Variants in RORC observed in about 807,000 individuals in gnomAD.
RORC encodes RAR related orphan receptor C, also known as nuclear receptor ROR-gamma.
A neutral mutation model predicts 64.5 loss-of-function variants in RORC; 13 were observed. The ratio of observed to expected loss-of-function variants is 0.20; its 90% CI spans 0.13 to 0.32. RORC has a LOEUF of 0.32. RORC is among the 10% of genes least tolerant of loss of function. The pLI is 1.00. For missense variants in RORC, 468 were observed against 669.5 expected (o/e 0.70, Z 3.32); for synonymous variants, 277 against 259.3 (o/e 1.07, Z -0.65).
rs1226235753 is a variant in RORC, at chr1:151,813,582, G to A, written c.972C>T (p.Leu324=). The change falls in exon 7 of 11, where the codon CTC becomes CTT. Residue 324 remains leucine (L), a synonymous_variant. Coordinates refer to ENST00000318247, the MANE Select transcript of RORC (RefSeq NM_005060.4). ...CCACCACGTACTGAATGGCCTCGGT[G>A]AGGTGGTGGGCACACCGTTCCCACA... ...WEMWERCAHH[L]TEAIQYVVEF... 1 of 1,614,178 alleles carries A rather than the reference G, an allele frequency of 6.2e-7. No individual in the cohort carries two copies.
At chr1:151,818,519 C>A (rs1651861097) in intron 2 of RORC, among the ~76,000 whole-genome samples, 1 of 152,156 alleles carries the variant, frequency 6.6e-6, no homozygotes, top group African/African-American at 2.4e-5. Flanking sequence ...TTCATGGGAC[C>A]ACAGGAGGCC....
chr1:151,826,212 CAGGGTGTGAGGGG>C (rs1652190560), intron 2 of RORC: 1 of 664,912 alleles, frequency 1.5e-6, no homozygotes, highest in Non-Finnish European at 2.1e-6. Flanking sequence ...GGGCCTGGGG[CAGGGTGTGAGGGG>C]AGGGGCAGCC....
intron 2 of RORC, among the ~76,000 whole-genome samples, chr1:151,827,767 G>C (rs1418011225): frequency 6.6e-6 from 1 of 152,186 alleles, no homozygotes; most frequent in East Asian, 1.9e-4. Context: ...TGTCAGCCTG[G>C]ATCCTCAGGA....
intron 2 of RORC, among the ~76,000 whole-genome samples, chr1:151,818,580 G>T (rs1651863160): frequency 6.6e-6 from 1 of 152,182 alleles, no homozygotes; most frequent in Admixed American, 6.5e-5. Context: ...GGGATCCCTG[G>T]TTACTGTAGG....
chr1:151,815,099 C>A lies in RORC; in HGVS notation c.625G>T (p.Gly209Cys), dbSNP rs775415126. 1 of 1,614,204 alleles carries A rather than the reference C, an allele frequency of 6.2e-7. No homozygotes were observed. The highest frequency in any genetic ancestry group is 1.7e-5 in the Admixed American group (1 of 60,028). Residue 209 changes from glycine (G) to cysteine (C), a missense_variant, in exon 5 of 11, where the codon GGC (glycine) becomes TGC (cysteine). Gly to Cys is a radical substitution (Grantham distance 159). Around this residue, in one of 5 missense-constraint regions of RORC, gnomAD observed 241 missense variants for 295.5 expected, o/e 0.82. Transcript: ENST00000318247. ...SCHLEYSPER[G>C]KAEGRESFYS... Reference sequence around the variant, plus strand: ...AAGCTCTCTCTGCCCTCAGCCTTGCCCCGCTCAGGGCTGTATTCAAGGTGG... The same window carrying A: ...AAGCTCTCTCTGCCCTCAGCCTTGCACCGCTCAGGGCTGTATTCAAGGTGG...
In RORC at chr1:151,807,415, G is replaced by T; in HGVS notation, c.*57C>A. 6.4e-7 allele frequency: 1 copy of T among 1,562,330 alleles called. No individual in the cohort carries two copies. Among genetic ancestry groups the T allele is most frequent in the Non-Finnish European group, 8.8e-7 (1 of 1,139,006 alleles). On this transcript the variant is annotated 3_prime_UTR_variant, in exon 11 of 11. Transcript: ENST00000318247. This position sits in a 1 kb window ranked among gnomAD's most constrained non-coding sequence, Gnocchi z 5.0. ...AAGGAAAAGGGTGAGGGTGGAACGG[G>T]GTCCAGGGAGGTGGGCCAGCAGGCC...
chr1:151,818,734 C>A (rs1477197609), intron 2 of RORC, among the ~76,000 whole-genome samples: 2 of 152,190 alleles, frequency 1.3e-5, no homozygotes, highest in Non-Finnish European at 2.9e-5. Flanking sequence ...TATGACGTGT[C>A]TCCCACCAAA....
intron 10 of RORC, among the ~76,000 whole-genome samples, chr1:151,809,606 G>A (rs1464101476): frequency 1.3e-5 from 2 of 152,106 alleles, no homozygotes; most frequent in Admixed American, 6.5e-5. Context: ...CCAGGGTGGT[G>A]GTAATAGTAG....
At chr1:151,825,973 C>A (rs1050291670) in intron 2 of RORC, 1 of 1,612,000 alleles carries the variant, frequency 6.2e-7, no homozygotes, top group Non-Finnish European at 8.5e-7. Context: ...GGCTCCCTGT[C>A]CTTCTCAGCA....
At chr1:151,816,628 C>A in intron 4 of RORC, 36 bp downstream of exon 4, 1 of 1,578,884 alleles carries the variant, frequency 6.3e-7, no homozygotes, top group Non-Finnish European at 8.6e-7. Context: ...CTGGAGACAC[C>A]AGGAAAACCC....
At chr1:151,829,594 C>T (rs1652330918) in intron 1 of RORC, 136 bp from the exon 2 acceptor site, 4 of 714,896 alleles carry the variant, frequency 5.6e-6, no homozygotes, top group Non-Finnish European at 8.8e-6. Flanking sequence ...CAGGCCACCC[C>T]CTGCAGTGCC....
At position 151,818,134 on chromosome 1, in the gene RORC, AG is replaced by A. The variant is rs1651842013; in HGVS notation, c.71-855del. ...CCAGATGAGGCAAAGCGGTTGGGCCAGGGTCATAGGCTAGTTTGCCTGAGAG... is the reference window on the plus strand; with the variant it reads ...CCAGATGAGGCAAAGCGGTTGGGCCAGGTCATAGGCTAGTTTGCCTGAGAG... On this transcript the variant is annotated intron_variant, in intron 2 of 10. Coordinates refer to ENST00000318247, the MANE Select transcript of RORC (RefSeq NM_005060.4). 2.0e-5 allele frequency among the ~76,000 whole-genome samples: 3 copies of A among 152,224 alleles called. No individual in the cohort carries two copies. In the South Asian group the frequency reaches 6.2e-4, roughly 32 times the overall value.
chr1:151,819,040 C>T (rs1159051775), intron 2 of RORC, among the ~76,000 whole-genome samples: 7 of 152,182 alleles, frequency 4.6e-5, no homozygotes, highest in African/African-American at 1.4e-4. Context: ...CCCAGCCACA[C>T]GTGCCTGCCC....
rs767984181 is a variant in RORC, at chr1:151,815,351, G to C, written c.373C>G (p.Arg125Gly). The C allele has an allele frequency of 6.3e-7, 1 of 1,581,968 alleles. No individual in the cohort carries two copies. Among genetic ancestry groups the C allele is most frequent in the African/African-American group, 1.4e-5 (1 of 73,504 alleles). ...ACTGGTTCCTGTTGCTGCTGTTGCC[G>C]CTGCTGCAGCTGTTTCTGCACTTCT... is the stretch of plus-strand genomic sequence containing the variant. ...HAEVQKQLQQ[R>G]QQQQQEPVVK... The change falls in exon 5 of 11, where the codon CGG becomes GGG. Residue 125 changes from arginine to glycine, a missense_variant. Transcript: ENST00000318247.
chr1:151,831,161 G>A, intron 1 of RORC: 2 of 1,243,494 alleles, frequency 1.6e-6, no homozygotes, highest in South Asian at 1.3e-5. Flanking sequence ...ACATCCCTGG[G>A]TGAGTGGCGA....
chr1:151,831,283 C>G (rs1652408759), intron 1 of RORC, among the ~76,000 whole-genome samples: 1 of 152,162 alleles, frequency 6.6e-6, no homozygotes. Flanking sequence ...GGTGAATGAA[C>G]AGAAGGTGGA....
At chr1:151,829,361 T>A in intron 2 of RORC, 68 bp downstream of exon 2, 1 of 1,432,264 alleles carries the variant, frequency 7.0e-7, no homozygotes, top group Non-Finnish European at 9.4e-7. Context: ...CCCCCACAGA[T>A]CACTTGCTGA....
chr1:151,830,637 C>CAA lies in RORC; in HGVS notation c.40+1087_40+1088insTT, dbSNP rs1476134745. On this transcript the variant is annotated intron_variant, in intron 1 of 10. Transcript: ENST00000318247. This position sits in a 1 kb window ranked among gnomAD's most constrained non-coding sequence, Gnocchi z 4.0. ...CACCTGACATACACACACACACACA[C>CAA]ACACACACACACACACACACACACA... Among the ~76,000 whole-genome samples, 1 of 144,184 alleles carries CAA rather than the reference C, an allele frequency of 6.9e-6. No homozygotes were observed. The highest frequency in any genetic ancestry group is 1.5e-5 in the Non-Finnish European group (1 of 65,070). The allele number at this position is 144,184 out of a possible 152,430, so 94.6% of individuals were successfully genotyped here. A position where few individuals can be genotyped will look rare whatever the true frequency, so the allele number is the denominator to read the frequency against.
At position 151,813,436 on chromosome 1, in the gene RORC, C is replaced by T. The variant is rs112238446; in HGVS notation, c.1066+52G>A. 29 of 1,611,934 alleles carry T rather than the reference C, an allele frequency of 1.8e-5. 1 individual carries two copies. The highest frequency in any genetic ancestry group is 1.7e-4 in the African/African-American group (13 of 74,990). ...CCTGATTTCCTTAAGCCACCTCCCT[C>T]CACTTGGCTCTGTCCCCTTGTCCCC... On this transcript the variant is annotated intron_variant, in intron 7 of 10. Transcript: ENST00000318247.
Sources: allele counts gnomAD v4.1 joint callset (sites outside exome capture counted in the v4.1 genomes callset), GRCh38; gene constraint gnomAD v4.1.1; regional missense constraint gnomAD v4.1.1; non-coding constraint Gnocchi (gnomAD v3.1); transcripts MANE v1.5; gene names NCBI Gene and HGNC (gene_info 2026-07-23, HGNC 2026-07-21).